The following NT5C3A variants were observed in gnomAD, a reference collection of about 807,000 sequenced individuals.
The protein encoded by NT5C3A is cytosolic 5'-nucleotidase 3A.
NT5C3A carries 23 observed loss-of-function variants against 40.0 expected under a neutral mutation model. That is an observed-to-expected ratio of 0.58 (90% CI 0.41 to 0.81). The LOEUF is 0.81. Among genes scored for constraint, NT5C3A ranks in the 40% least tolerant of loss-of-function variants. NT5C3A has a pLI of 0.00. For missense variants in NT5C3A, 328 were observed against 403.0 expected (o/e 0.81, Z 1.59); for synonymous variants, 130 against 141.4 (o/e 0.92, Z 0.57).
In NT5C3A at chr7:33,058,387, C is replaced by T. The variant is rs1787651121; in HGVS notation, c.138+4181G>A. ...TTTGAGATGACATCCTGCTCTGTCACCCAGGCTGGAGTGCAATGGTGCAAT... is the reference window on the plus strand; with the variant it reads ...TTTGAGATGACATCCTGCTCTGTCATCCAGGCTGGAGTGCAATGGTGCAAT... On this transcript the variant is annotated intron_variant, in intron 1 of 8. Coordinates refer to ENST00000610140, the MANE Select transcript of NT5C3A (RefSeq NM_001002010.5). Among the ~76,000 whole-genome samples the T allele has an allele frequency of 3.3e-5, 5 of 152,140 alleles. No individual in the cohort carries two copies. The South Asian group carries it at 1.0e-3, about 32-fold the overall frequency.
At chr7:33,026,771 G>A (rs745507507) in intron 2 of NT5C3A, 46 bp downstream of exon 2, 10 of 1,311,488 alleles carry the variant, frequency 7.6e-6, no homozygotes, top group Non-Finnish European at 7.7e-6. Context: ...TGGAATTACA[G>A]GCATGAGCCA....
intron 2 of NT5C3A, among the ~76,000 whole-genome samples, chr7:33,024,327 G>A (rs1785797984): frequency 6.6e-6 from 1 of 152,188 alleles, no homozygotes; most frequent in Admixed American, 6.5e-5. Flanking sequence ...GCTACCTTGA[G>A]TGCCCTAGTG....
At chr7:33,021,838 T>C in intron 4 of NT5C3A, 2 of 527,368 alleles carry the variant, frequency 3.8e-6, no homozygotes, top group South Asian at 4.8e-5. Context: ...ATATAAGTTT[T>C]GTTGTCAAGT....
chr7:33,052,135 C>T (rs2128017002), intron 1 of NT5C3A, among the ~76,000 whole-genome samples: 1 of 152,090 alleles, frequency 6.6e-6, no homozygotes, highest in East Asian at 1.9e-4. Context: ...CTTTTGGGAG[C>T]ACAACTGTTC....
chr7:33,029,571 A>G (rs1032467883), intron 1 of NT5C3A: 3 of 882,486 alleles, frequency 3.4e-6, no homozygotes, highest in Non-Finnish European at 4.9e-6. Flanking sequence ...TATATCATAG[A>G]CTATTTTTTC....
At chr7:33,017,235 G>C in intron 7 of NT5C3A, 1 of 563,250 alleles carries the variant, frequency 1.8e-6, no homozygotes, top group Non-Finnish European at 3.1e-6. Flanking sequence ...TTAGTCTATA[G>C]CTTGGGGAAT....
intron 1 of NT5C3A, chr7:33,029,741 T>A: frequency 8.0e-7 from 1 of 1,250,270 alleles, no homozygotes; most frequent in Non-Finnish European, 1.0e-6. Context: ...TGGTTTATTT[T>A]ATTTTTATAG....
chr7:33,027,117 TG>T (rs757466057), intron 1 of NT5C3A: 1 of 470,746 alleles, frequency 2.1e-6, no homozygotes, highest in Non-Finnish European at 3.8e-6. Context: ...TCACCCCGGC[TG>T]GAGTGCAGTG....
chr7:33,018,613 G>A (rs1406361986), intron 6 of NT5C3A, among the ~76,000 whole-genome samples: 2 of 152,050 alleles, frequency 1.3e-5, no homozygotes, highest in African/African-American at 4.8e-5. Flanking sequence ...CACTTTGGGA[G>A]GCGGAGATGC....
chr7:33,038,577 A>G (rs946447305), intron 1 of NT5C3A, among the ~76,000 whole-genome samples: 2 of 151,428 alleles, frequency 1.3e-5, no homozygotes, highest in African/African-American at 4.9e-5. Flanking sequence ...CATTCTTGCC[A>G]GTCCTCACTA....
In NT5C3A at chr7:33,023,638, AGT is replaced by A. The variant is rs1423711579; in HGVS notation, c.307+399_307+400del. On this transcript the variant is annotated intron_variant, in intron 3 of 8. Coordinates refer to ENST00000610140, the MANE Select transcript of NT5C3A (RefSeq NM_001002010.5). Reference sequence around the variant, plus strand: ...TCACCGTTTCCCTGTCAGGTTGAAGAGTGTTATTTTAAAAACTCACAGCCAAG... The same window carrying A: ...TCACCGTTTCCCTGTCAGGTTGAAGAGTTATTTTAAAAACTCACAGCCAAG... 4 of 208,050 alleles carry A rather than the reference AGT, an allele frequency of 1.9e-5. No homozygotes were observed. In the Admixed American group the frequency reaches 2.1e-4, roughly 11 times the overall value. The allele number at this position is 208,050 out of a possible 1,614,324, so 12.9% of individuals were successfully genotyped here.
In NT5C3A at chr7:33,019,730, G is replaced by A; in HGVS notation, c.441-6C>T. 6.6e-7 allele frequency: 1 copy of A among 1,518,042 alleles called. No homozygotes were observed. The highest frequency in any genetic ancestry group is 9.1e-7 in the Non-Finnish European group (1 of 1,095,758). 94.0% of individuals were successfully genotyped at this position (1,518,042 alleles called of 1,614,324 possible). The stretch of plus-strand genomic sequence containing the variant: ...AACCATGTGATTTAGTATACCTGGA[G>A]TTTATGACCAAAGGAAAAAAGACTA... On this transcript the variant is annotated splice_polypyrimidine_tract_variant and splice_region_variant and intron_variant, in intron 5 of 8. Coordinates refer to ENST00000610140, the MANE Select transcript of NT5C3A (RefSeq NM_001002010.5).
chr7:33,026,971 T>C, intron 1 of NT5C3A, 56 bp from the exon 2 acceptor site: 2 of 1,191,540 alleles, frequency 1.7e-6, no homozygotes, highest in Non-Finnish European at 2.5e-6. Context: ...CCCAGGTTCC[T>C]TTGATACCAA....
At chr7:33,061,528 G>A (rs375949031) in intron 1 of NT5C3A, among the ~76,000 whole-genome samples, 5 of 152,202 alleles carry the variant, frequency 3.3e-5, no homozygotes, top group African/African-American at 2.4e-5. Flanking sequence ...CTGGGACACT[G>A]GCTAATTTTA....
chr7:33,024,524 G>A (rs1438330918), intron 2 of NT5C3A, among the ~76,000 whole-genome samples: 1 of 152,102 alleles, frequency 6.6e-6, no homozygotes, highest in Non-Finnish European at 1.5e-5. Context: ...GAAACAGAGA[G>A]TAGAAAGACG....
chr7:33,041,344 T>C (rs909671269), intron 1 of NT5C3A, among the ~76,000 whole-genome samples: 13 of 152,192 alleles, frequency 8.5e-5, no homozygotes, highest in African/African-American at 2.4e-4. Context: ...GCTCAATGGA[T>C]AGAGTTTCAG....
intron 1 of NT5C3A, chr7:33,035,861 T>G: frequency 8.4e-7 from 1 of 1,184,038 alleles, no homozygotes; most frequent in Non-Finnish European, 1.3e-6. Flanking sequence ...CATAATTATC[T>G]GGTTAGAGAC....
At chr7:33,053,640 C>T (rs567315160) in intron 1 of NT5C3A, among the ~76,000 whole-genome samples, 1 of 151,746 alleles carries the variant, frequency 6.6e-6, no homozygotes, top group Admixed American at 6.6e-5. Flanking sequence ...CAGCCTGGCT[C>T]ACAGACTGTG....
Position 33,054,323 on chromosome 7 carries a change from C to T in NT5C3A, c.138+8245G>A, listed in dbSNP as rs576564474. Among the ~76,000 whole-genome samples the T allele has an allele frequency of 3.8e-4, 57 of 151,068 alleles. No homozygotes were observed. The South Asian group carries it at 6.1e-3, about 16-fold the overall frequency. ...GAGCCATGATGGTGCCACTGCACTC[C>T]AGCCTGGGTGGCAGAGTAAGACCCT... On this transcript the variant is annotated intron_variant, in intron 1 of 8. Coordinates refer to ENST00000610140, the MANE Select transcript of NT5C3A (RefSeq NM_001002010.5).
Sources: gnomAD v4.1 joint callset for allele counts (sites outside exome capture counted in the v4.1 genomes callset) on GRCh38, gnomAD v4.1.1 for gene constraint, MANE v1.5 for transcripts, NCBI Gene and HGNC (gene_info 2026-07-23, HGNC 2026-07-21) for gene names.